LCP1: variants seen among roughly 807,000 people sequenced by gnomAD.
LCP1 encodes the protein plastin-2.
LCP1 carries 23 observed loss-of-function variants against 72.0 expected under a neutral mutation model. The observed-to-expected ratio is 0.32, with a 90% confidence interval of 0.23 to 0.45. The LOEUF (loss-of-function observed/expected upper bound fraction) is 0.45. LCP1 is among the 20% of genes least tolerant of loss of function. The pLI is 1.00. For synonymous variants in LCP1, 245 were observed against 275.4 expected (o/e 0.89, Z 1.09); for missense variants, 571 against 748.3 (o/e 0.76, Z 2.76).
In LCP1 at chr13:46,135,504, A is replaced by C. The variant is rs569301676; in HGVS notation, c.1503-1254T>G. 2.3e-3 allele frequency among the ~76,000 whole-genome samples: 349 copies of C among 152,310 alleles called. 1 individual carries two copies. Among genetic ancestry groups the C allele is most frequent in the African/African-American group, 8.0e-3 (331 of 41,570 alleles). Reference sequence around the variant, plus strand: ...TCCCGTGACTTTCCAGATGGTTTTCAAGTTTAGTCCCTGAAATAAGAGCAA... The same window carrying C: ...TCCCGTGACTTTCCAGATGGTTTTCCAGTTTAGTCCCTGAAATAAGAGCAA... On this transcript the variant is annotated intron_variant, in intron 13 of 15. Coordinates refer to ENST00000323076, the MANE Select transcript of LCP1 (RefSeq NM_002298.5).
chr13:46,173,566 G>C (rs556557816), intron 1 of LCP1, among the ~76,000 whole-genome samples: 9 of 130,068 alleles, frequency 6.9e-5, no homozygotes, highest in African/African-American at 2.7e-4. Context: ...TTGTCAAGTC[G>C]CAACTTAAAA....
intron 5 of LCP1, among the ~76,000 whole-genome samples, chr13:46,156,054 C>T (rs1284852462): frequency 6.6e-6 from 1 of 152,318 alleles, no homozygotes; most frequent in East Asian, 1.9e-4. Flanking sequence ...CAACTTTATA[C>T]TTTAAACTTG....
At chr13:46,170,127 CT>C (rs2045897743) in intron 1 of LCP1, among the ~76,000 whole-genome samples, 1 of 152,176 alleles carries the variant, frequency 6.6e-6, no homozygotes, top group South Asian at 2.1e-4. Flanking sequence ...GAAAAGTCCC[CT>C]ATCACCTTCT....
intron 6 of LCP1, chr13:46,153,212 T>G: frequency 3.5e-6 from 1 of 283,740 alleles, no homozygotes; most frequent in South Asian, 6.4e-5. Flanking sequence ...ATGAGACTGA[T>G]GAGGCCTATA....
intron 1 of LCP1, among the ~76,000 whole-genome samples, chr13:46,160,523 G>T (rs1406562184): frequency 1.3e-5 from 2 of 152,122 alleles, no homozygotes; most frequent in Non-Finnish European, 2.9e-5. Context: ...ATATTATTTA[G>T]GGATGAACAA....
At chr13:46,144,324 C>T (rs1434639755) in intron 11 of LCP1, 118 bp downstream of exon 11, 8 of 780,022 alleles carry the variant, frequency 1.0e-5, no homozygotes, top group Middle Eastern at 2.6e-4. Flanking sequence ...CACTTTTTCC[C>T]CTTCCAGCAA....
chr13:46,159,531 T>C (rs1016118905), intron 2 of LCP1, 68 bp downstream of exon 2: 3 of 1,303,184 alleles, frequency 2.3e-6, no homozygotes, highest in Non-Finnish European at 3.3e-6. Flanking sequence ...TCCCATTTCA[T>C]TGAATCTACC....
At chr13:46,147,144 T>G in intron 9 of LCP1, 41 bp from the exon 10 acceptor site, 1 of 1,488,308 alleles carries the variant, frequency 6.7e-7, no homozygotes, top group Non-Finnish European at 9.0e-7. Context: ...GTCAAGGCTC[T>G]CCATGCACAA....
At chr13:46,176,886 T>TGC (rs1202279528) in intron 1 of LCP1, among the ~76,000 whole-genome samples, 1 of 144,910 alleles carries the variant, frequency 6.9e-6, no homozygotes, top group Non-Finnish European at 1.6e-5. Context: ...TGTGTGTGTG[T>TGC]GTGTGTGTGT....
chr13:46,166,869 A>T (rs1566445064), intron 1 of LCP1, among the ~76,000 whole-genome samples: 1 of 152,234 alleles, frequency 6.6e-6, no homozygotes, highest in African/African-American at 2.4e-5. Context: ...TATTCTTGGG[A>T]TATCATATCT....
chr13:46,176,838 T>C (rs944761500), intron 1 of LCP1, among the ~76,000 whole-genome samples: 2 of 151,676 alleles, frequency 1.3e-5, no homozygotes, highest in African/African-American at 4.9e-5. Context: ...AGTGTGTGAG[T>C]GAGTGTGTGT....
chr13:46,133,027 T>A (rs999239972), intron 14 of LCP1, among the ~76,000 whole-genome samples: 47 of 152,132 alleles, frequency 3.1e-4, no homozygotes, highest in African/African-American at 1.1e-3. Flanking sequence ...AGTGCACACG[T>A]CCTTTGAGGA....
chr13:46,135,940 C>T (rs79475854), intron 13 of LCP1, among the ~76,000 whole-genome samples: 3 of 152,026 alleles, frequency 2.0e-5, no homozygotes, highest in Admixed American at 6.6e-5. Context: ...TAATGTGATT[C>T]GACATGGCCC....
chr13:46,145,627 A>AAAC (rs774045993), intron 10 of LCP1, among the ~76,000 whole-genome samples: 1 of 135,150 alleles, frequency 7.4e-6, no homozygotes, highest in Non-Finnish European at 1.6e-5. Flanking sequence ...AAAAGAGGGC[A>AAAC]GGCCGGGCGC....
At chr13:46,143,202 C>T (rs9595419) in intron 12 of LCP1, 88 bp downstream of exon 12, 7 of 802,628 alleles carry the variant, frequency 8.7e-6, no homozygotes, top group South Asian at 1.6e-5. Context: ...TACTTGTCTA[C>T]GTTTGGCTGC....
chr13:46,167,139 A>C (rs1181771224), intron 1 of LCP1, among the ~76,000 whole-genome samples: 1 of 152,070 alleles, frequency 6.6e-6, no homozygotes, highest in African/African-American at 2.4e-5. Context: ...CACAGGGTGG[A>C]AGGTAGGGGG....
At chr13:46,163,345 C>T (rs867932144) in intron 1 of LCP1, among the ~76,000 whole-genome samples, 41 of 152,286 alleles carry the variant, frequency 2.7e-4, no homozygotes, top group Admixed American at 9.8e-4. Context: ...CCCCCAACCC[C>T]GTGCTCTCTG....
chr13:46,133,197 T>C (rs1396690103), intron 14 of LCP1, among the ~76,000 whole-genome samples: 1 of 152,214 alleles, frequency 6.6e-6, no homozygotes, highest in Non-Finnish European at 1.5e-5. Context: ...AATATTAATC[T>C]GAATCATGGA....
intron 1 of LCP1, among the ~76,000 whole-genome samples, chr13:46,174,852 GA>G (rs2045921301): frequency 7.3e-6 from 1 of 136,090 alleles, no homozygotes; most frequent in Non-Finnish European, 1.6e-5. Flanking sequence ...AAAAAAAAAA[GA>G]AAAAAGAAAG....
Sources: gnomAD v4.1 joint callset for allele counts (sites outside exome capture counted in the v4.1 genomes callset) on GRCh38, gnomAD v4.1.1 for gene constraint, MANE v1.5 for transcripts, NCBI Gene and HGNC (gene_info 2026-07-23, HGNC 2026-07-21) for gene names.